Variants in CSTF3 observed in about 807,000 individuals in gnomAD.
CSTF3 encodes cleavage stimulation factor subunit 3.
Under a neutral mutation model 105.8 loss-of-function variants are expected in CSTF3, and 29 were observed. That is an observed-to-expected ratio of 0.27 (90% confidence interval 0.20 to 0.37). The LOEUF (loss-of-function observed/expected upper bound fraction) is 0.37. Among genes scored for constraint, CSTF3 ranks in the 10% least tolerant of loss-of-function variants. CSTF3 has a pLI of 1.00. For missense variants in CSTF3, 357 were observed against 879.3 expected (o/e 0.41, Z 7.51); for synonymous variants, 252 against 281.9 (o/e 0.89, Z 1.06).
At chr11:33,122,664 T>C (rs1057173749) in intron 3 of CSTF3, among the ~76,000 whole-genome samples, 6 of 151,880 alleles carry the variant, frequency 4.0e-5, no homozygotes, top group African/African-American at 1.5e-4. Context: ...CCTGTAATCC[T>C]AGCACTTTGA....
intron 3 of CSTF3, among the ~76,000 whole-genome samples, chr11:33,124,285 T>C (rs193233585): frequency 5.9e-5 from 9 of 152,088 alleles, no homozygotes; most frequent in African/African-American, 2.2e-4. Flanking sequence ...ACCTAAAAAA[T>C]GAATACTAAT....
At chr11:33,086,956 G>A (rs770938119) in intron 18 of CSTF3, 32 bp downstream of exon 18, 23 of 1,613,286 alleles carry the variant, frequency 1.4e-5, no homozygotes, top group South Asian at 7.7e-5. Flanking sequence ...ACAAACCAAC[G>A]TCTCAGTACT....
intron 1 of CSTF3, among the ~76,000 whole-genome samples, chr11:33,149,232 C>T (rs1222584754): frequency 6.6e-6 from 1 of 152,204 alleles, no homozygotes; most frequent in Admixed American, 6.5e-5. Context: ...GCAGAAGTAT[C>T]AGTTGCATCA....
At chr11:33,128,589 C>T (rs1810960878) in intron 3 of CSTF3, among the ~76,000 whole-genome samples, 1 of 152,024 alleles carries the variant, frequency 6.6e-6, no homozygotes, top group South Asian at 2.1e-4. Flanking sequence ...CAATTATTCT[C>T]CCTCACTGCT....
Position 33,122,441 on chromosome 11 carries a change from T to C in CSTF3, c.226-14023A>G, listed in dbSNP as rs11032149. On this transcript the variant is annotated intron_variant, in intron 3 of 20. Transcript: ENST00000323959. ...TCAGTTTTCAGGAAAAAAATATATA[T>C]GTACAAAACTATTTTCATTATATAA... is the stretch of plus-strand genomic sequence containing the variant. Among the ~76,000 whole-genome samples the C allele has an allele frequency of 3.5e-3, 538 of 152,226 alleles. 10 individuals carry two copies. The East Asian group carries it at 0.062, about 17-fold the overall frequency.
At chr11:33,152,575 A>G (rs973827135) in intron 1 of CSTF3, among the ~76,000 whole-genome samples, 24 of 152,208 alleles carry the variant, frequency 1.6e-4, no homozygotes, top group Admixed American at 1.4e-3. Context: ...AACTCAGAGA[A>G]ATAGAACTTA....
chr11:33,154,491 C>CTTTTTTTTTTT (rs34462847), intron 1 of CSTF3, among the ~76,000 whole-genome samples: 1 of 60,892 alleles, frequency 1.6e-5, no homozygotes, highest in Non-Finnish European at 4.9e-5. Context: ...GTAAGACTTT[C>CTTTTTTTTTTT]TTTTTTTTTT....
chr11:33,143,760 A>G (rs961855324), intron 1 of CSTF3, among the ~76,000 whole-genome samples: 3 of 150,144 alleles, frequency 2.0e-5, no homozygotes, highest in African/African-American at 4.9e-5. Flanking sequence ...GGAGGCTGAG[A>G]CAGGCAGATT....
intron 3 of CSTF3, among the ~76,000 whole-genome samples, chr11:33,122,343 T>C (rs1203961668): frequency 6.6e-6 from 1 of 152,214 alleles, no homozygotes; most frequent in Non-Finnish European, 1.5e-5. Context: ...CTTATTATTC[T>C]CTATATACAT....
intron 15 of CSTF3, among the ~76,000 whole-genome samples, chr11:33,093,470 C>A (rs1034034339): frequency 2.6e-5 from 4 of 152,090 alleles, no homozygotes; most frequent in African/African-American, 9.7e-5. Context: ...CTCTATGACA[C>A]CCTCTAGAAC....
chr11:33,085,241 G>T lies in CSTF3; in HGVS notation c.2000C>A (p.Ala667Asp). Residue 667 changes from alanine (A) to aspartate (D), a missense_variant, in exon 21 of 21, where the codon GCT becomes GAT. Ala to Asp is a moderately radical substitution (Grantham distance 126, BLOSUM62 -2). Coordinates refer to ENST00000323959, the MANE Select transcript of CSTF3 (RefSeq NM_001326.3). ...RIITGGAPELAVEGNGPVESN... is the reference protein window; with the variant it reads ...RIITGGAPELDVEGNGPVESN... ...TTCCACGGGGCCGTTGCCTTCTACA[G>T]CTAGCTCTGGGGCCCCACCAGTAAT... 6.3e-7 allele frequency: 1 copy of T among 1,587,866 alleles called. No individual in the cohort carries two copies. Among genetic ancestry groups the T allele is most frequent in the Admixed American group, 1.8e-5 (1 of 55,338 alleles).
chr11:33,142,465 C>T (rs987182166), intron 1 of CSTF3, among the ~76,000 whole-genome samples: 8 of 152,130 alleles, frequency 5.3e-5, no homozygotes, highest in African/African-American at 1.7e-4. Context: ...CCCACAGATA[C>T]TGAGGGACGA....
At chr11:33,142,212 CAG>C (rs1855720739) in intron 1 of CSTF3, among the ~76,000 whole-genome samples, 1 of 150,922 alleles carries the variant, frequency 6.6e-6, no homozygotes, top group Admixed American at 6.6e-5. Flanking sequence ...TGAAAATACT[CAG>C]AGAGAAAAAA....
At chr11:33,148,378 T>C (rs1459773417) in intron 1 of CSTF3, among the ~76,000 whole-genome samples, 1 of 152,200 alleles carries the variant, frequency 6.6e-6, no homozygotes, top group African/African-American at 2.4e-5. Context: ...TTTCAAGTAA[T>C]TCTAACGTAT....
At chr11:33,102,404 G>A in intron 9 of CSTF3, 65 bp from the exon 10 acceptor site, 1 of 1,512,962 alleles carries the variant, frequency 6.6e-7, no homozygotes, top group Non-Finnish European at 9.1e-7. Flanking sequence ...GGCGGATGGG[G>A]TAGATCAGTT....
chr11:33,137,996 GAAGA>G (rs1279648372), intron 3 of CSTF3, among the ~76,000 whole-genome samples: 2 of 151,760 alleles, frequency 1.3e-5, no homozygotes, highest in East Asian at 1.9e-4. Context: ...CATTTTCCAA[GAAGA>G]AAGGTCATTT....
intron 3 of CSTF3, among the ~76,000 whole-genome samples, chr11:33,111,681 TG>T (rs1473526051): frequency 6.6e-6 from 1 of 152,188 alleles, no homozygotes; most frequent in Non-Finnish European, 1.5e-5. Flanking sequence ...AACCAAATTT[TG>T]CATACCCGTC....
chr11:33,086,019 T>A (rs1162447069), intron 18 of CSTF3, 30 bp from the exon 19 acceptor site: 2 of 1,366,864 alleles, frequency 1.5e-6, no homozygotes, highest in Non-Finnish European at 1.9e-6. Context: ...ATGAATCAAG[T>A]GGAATGGAAG....
intron 3 of CSTF3, among the ~76,000 whole-genome samples, chr11:33,136,459 C>T (rs1169521895): frequency 6.6e-6 from 1 of 151,994 alleles, no homozygotes; most frequent in African/African-American, 2.4e-5. Flanking sequence ...ATATTTTAGA[C>T]ATCTTCATTT....
Sources: gnomAD v4.1 joint callset for allele counts (sites outside exome capture counted in the v4.1 genomes callset) on GRCh38, gnomAD v4.1.1 for gene constraint, MANE v1.5 for transcripts, NCBI Gene and HGNC (gene_info 2026-07-23, HGNC 2026-07-21) for gene names.